EIF3E: variants seen among roughly 807,000 people sequenced by gnomAD.
The protein encoded by EIF3E is eukaryotic translation initiation factor 3 subunit E.
Under a neutral mutation model 59.3 loss-of-function variants are expected in EIF3E, and 25 were observed. The ratio of observed to expected loss-of-function variants is 0.42; its 90% CI spans 0.31 to 0.59. EIF3E has a LOEUF of 0.59. Ranked by LOEUF, EIF3E falls within the 20% of genes least tolerant of loss-of-function variation. The pLI, the probability that EIF3E is intolerant of heterozygous loss-of-function variation, is 0.15. For missense variants in EIF3E, 317 were observed against 534.3 expected (o/e 0.59, Z 4.01); for synonymous variants, 176 against 170.2 (o/e 1.03, Z -0.26).
At chr8:108,223,728 C>T (rs2129883120) in intron 7 of EIF3E, among the ~76,000 whole-genome samples, 2 of 146,664 alleles carry the variant, frequency 1.4e-5, no homozygotes, top group South Asian at 4.2e-4. Flanking sequence ...CACCTGCCAC[C>T]TTATCTTATA....
intron 1 of EIF3E, among the ~76,000 whole-genome samples, chr8:108,245,157 C>T (rs1249606938): frequency 6.6e-6 from 1 of 151,262 alleles, no homozygotes; most frequent in Non-Finnish European, 1.5e-5. Context: ...ACAGAATGGG[C>T]TAGTCTTCCA....
intron 1 of EIF3E, chr8:108,242,154 C>G: frequency 1.4e-6 from 2 of 1,381,758 alleles, no homozygotes; most frequent in Non-Finnish European, 1.9e-6. Flanking sequence ...GACATTCCCA[C>G]CTACTTCTGA....
At chr8:108,221,734 C>G (rs755885038) in intron 7 of EIF3E, 2 of 150,830 alleles carry the variant, frequency 1.3e-5, no homozygotes, top group Non-Finnish European at 2.9e-5. Context: ...GGCAAAAGTG[C>G]AACATATCAT....
intron 1 of EIF3E, among the ~76,000 whole-genome samples, chr8:108,247,290 A>AGCTG (rs1815965745): frequency 6.6e-6 from 1 of 152,216 alleles, no homozygotes; most frequent in Non-Finnish European, 1.5e-5. Flanking sequence ...CTAGTTCAGA[A>AGCTG]GTACTTCTAC....
At chr8:108,231,871 C>A (rs1815628810) in intron 5 of EIF3E, 1 of 150,744 alleles carries the variant, frequency 6.6e-6, no homozygotes, top group Admixed American at 6.6e-5. Context: ...AGGGCAGATT[C>A]TAGGGTCACA....
chr8:108,201,971 G>A lies in EIF3E; in HGVS notation c.1300-48C>T, dbSNP rs183170591. Reference sequence around the variant, plus strand: ...AACACCGTGAAAAGAAAATACTTTCGGAAAAAAACTAACATAGAAGAAAGT... The same window carrying A: ...AACACCGTGAAAAGAAAATACTTTCAGAAAAAAACTAACATAGAAGAAAGT... On this transcript the variant is annotated intron_variant, in intron 12 of 12. Transcript: ENST00000220849. The A allele has an allele frequency of 1.1e-3, 1,682 of 1,479,610 alleles. 3 individuals carry two copies. The highest frequency in any genetic ancestry group is 1.4e-3 in the Non-Finnish European group (1,565 of 1,105,710). The allele number at this position is 1,479,610 out of a possible 1,614,324, so 91.7% of individuals were successfully genotyped here.
intron 3 of EIF3E, among the ~76,000 whole-genome samples, chr8:108,236,787 C>T (rs1016601211): frequency 6.6e-6 from 1 of 151,978 alleles, no homozygotes; most frequent in African/African-American, 2.4e-5. Context: ...TTTGGGAGGC[C>T]GAGGCAGGTG....
chr8:108,208,355 GA>G (rs1815143562), intron 10 of EIF3E, among the ~76,000 whole-genome samples: 1 of 152,022 alleles, frequency 6.6e-6, no homozygotes, highest in Admixed American at 6.6e-5. Flanking sequence ...CATATCCAAA[GA>G]AAAGTACTCC....
chr8:108,205,078 A>ATAC (rs768640932), intron 10 of EIF3E, among the ~76,000 whole-genome samples: 1 of 152,136 alleles, frequency 6.6e-6, no homozygotes, highest in African/African-American at 2.4e-5. Flanking sequence ...GTGTGTTTAT[A>ATAC]TACTGTCTTT....
chr8:108,238,374 C>T (rs905423753), intron 3 of EIF3E, among the ~76,000 whole-genome samples: 2 of 152,144 alleles, frequency 1.3e-5, no homozygotes, highest in Admixed American at 6.5e-5. Context: ...TCTGCAGGTG[C>T]TAAAGTCCCT....
intron 7 of EIF3E, among the ~76,000 whole-genome samples, chr8:108,223,736 ATATAT>A (rs1333011950): frequency 6.8e-6 from 1 of 146,592 alleles, no homozygotes; most frequent in Admixed American, 6.6e-5. Context: ...ACCTTATCTT[ATATAT>A]TATGTTACAT....
intron 3 of EIF3E, among the ~76,000 whole-genome samples, chr8:108,238,484 A>G (rs1425029638): frequency 6.6e-6 from 1 of 152,220 alleles, no homozygotes; most frequent in African/African-American, 2.4e-5. Context: ...TGTAAATATC[A>G]TATAGTTGTT....
chr8:108,233,944 G>A (rs1229800838), intron 5 of EIF3E, among the ~76,000 whole-genome samples: 1 of 151,618 alleles, frequency 6.6e-6, no homozygotes, highest in African/African-American at 2.4e-5. Context: ...GTTAATACAA[G>A]GATGTTTTGA....
intron 8 of EIF3E, among the ~76,000 whole-genome samples, chr8:108,216,937 T>C (rs969838777): frequency 1.3e-5 from 2 of 152,186 alleles, no homozygotes; most frequent in African/African-American, 2.4e-5. Flanking sequence ...TCAATCAGCA[T>C]GGCTGCCTGA....
At chr8:108,219,599 G>A (rs1159406778) in intron 7 of EIF3E, among the ~76,000 whole-genome samples, 1 of 152,160 alleles carries the variant, frequency 6.6e-6, no homozygotes, top group African/African-American at 2.4e-5. Context: ...AAAACGGCCA[G>A]GTGCCATGAC....
intron 5 of EIF3E, 80 bp downstream of exon 5, chr8:108,234,918 C>A (rs1815696515): frequency 4.8e-6 from 4 of 825,196 alleles, no homozygotes; most frequent in Admixed American, 3.4e-5. Flanking sequence ...CCAAATCTAT[C>A]TATATACATG....
intron 10 of EIF3E, among the ~76,000 whole-genome samples, chr8:108,206,920 C>A (rs1165882325): frequency 6.6e-6 from 1 of 152,142 alleles, no homozygotes; most frequent in Non-Finnish European, 1.5e-5. Context: ...AATTTTGCAA[C>A]AAGCATCAAG....
intron 5 of EIF3E, among the ~76,000 whole-genome samples, chr8:108,232,175 A>G (rs1244614300): frequency 6.6e-6 from 1 of 152,160 alleles, no homozygotes; most frequent in African/African-American, 2.4e-5. Context: ...GGTAGTGGCT[A>G]TCTAAATCAA....
At chr8:108,248,474 A>ATCTTCT in intron 1 of EIF3E, 139 bp downstream of exon 1, 1 of 750,110 alleles carries the variant, frequency 1.3e-6, no homozygotes, top group Non-Finnish European at 2.2e-6. Context: ...AACTACCAGA[A>ATCTTCT]GATCCTTAGT....
Sources: gnomAD v4.1 joint callset for allele counts (sites outside exome capture counted in the v4.1 genomes callset) on GRCh38, gnomAD v4.1.1 for gene constraint, MANE v1.5 for transcripts, NCBI Gene and HGNC (gene_info 2026-07-23, HGNC 2026-07-21) for gene names.